Variants in FGFR2 observed in about 807,000 individuals in gnomAD.
FGFR2 encodes BEK fibroblast growth factor receptor.
Under a neutral mutation model 95.9 loss-of-function variants are expected in FGFR2, and 19 were observed. The observed-to-expected ratio is 0.20, with a 90% CI of 0.14 to 0.29. The LOEUF (loss-of-function observed/expected upper bound fraction) is 0.29, where lower values mean the gene tolerates loss of function less well. Among genes scored for constraint, FGFR2 ranks in the 10% least tolerant of loss-of-function variants. The pLI is 1.00. For missense variants in FGFR2, 707 were observed against 1,056.9 expected (o/e 0.67, Z 4.59); for synonymous variants, 392 against 393.3 (o/e 1.00, Z 0.04).
At chr10:121,582,981 C>A (rs1861176589) in intron 2 of FGFR2, among the ~76,000 whole-genome samples, 1 of 152,098 alleles carries the variant, frequency 6.6e-6, no homozygotes, top group Non-Finnish European at 1.5e-5. Flanking sequence ...TTTTAAATAC[C>A]AAACTGATCT....
At chr10:121,535,881 G>A (rs1852756971) in intron 6 of FGFR2, among the ~76,000 whole-genome samples, 2 of 152,324 alleles carry the variant, frequency 1.3e-5, no homozygotes, top group African/African-American at 4.8e-5. Flanking sequence ...TTATGGGAAT[G>A]CCTTTCCAAG....
chr10:121,487,495 C>A (rs567550407), intron 14 of FGFR2, 71 bp from the exon 15 acceptor site: 2 of 1,266,410 alleles, frequency 1.6e-6, no homozygotes, highest in South Asian at 1.3e-5. Flanking sequence ...CTCAATAGGG[C>A]TATGCCCTGT....
rs1844337475 is a variant in FGFR2, at chr10:121,478,947, T to C, written c.*910A>G. On this transcript the variant is annotated 3_prime_UTR_variant, in exon 18 of 18. Coordinates refer to ENST00000358487, the MANE Select transcript of FGFR2 (RefSeq NM_000141.5). ...CCAGTTAGACGTTGCGTTGACGTAA[T>C]GACAGGGTTGCACACCAAAATGAAA... is the stretch of plus-strand genomic sequence containing the variant. 1 of 233,460 alleles carries C rather than the reference T, an allele frequency of 4.3e-6. No individual in the cohort carries two copies. 14.5% of individuals were successfully genotyped at this position (233,460 alleles called of 1,614,324 possible). A position where few individuals can be genotyped will look rare whatever the true frequency, so the allele number is the denominator to read the frequency against.
At chr10:121,573,234 C>A (rs1417866819) in intron 2 of FGFR2, among the ~76,000 whole-genome samples, 1 of 152,250 alleles carries the variant, frequency 6.6e-6, no homozygotes, top group Non-Finnish European at 1.5e-5. Flanking sequence ...CGTCCAATCA[C>A]TTCACGGAGA....
At chr10:121,559,190 C>T (rs775946973) in intron 4 of FGFR2, among the ~76,000 whole-genome samples, 1 of 150,592 alleles carries the variant, frequency 6.6e-6, no homozygotes, top group Non-Finnish European at 1.5e-5. Flanking sequence ...CATCATTTGT[C>T]AAAGTTCCTA....
chr10:121,515,461 A>C, intron 8 of FGFR2, 142 bp from the exon 9 acceptor site: 1 of 789,740 alleles, frequency 1.3e-6, no homozygotes, highest in Non-Finnish European at 2.2e-6. Flanking sequence ...AAACTCCCAA[A>C]TGAAAATGAA....
rs185436036 is a variant in FGFR2 at position 121,572,134 on chromosome 10, T to C, written c.110-6430A>G. On this transcript the variant is annotated intron_variant, in intron 2 of 17. Coordinates refer to ENST00000358487, the MANE Select transcript of FGFR2 (RefSeq NM_000141.5). ...TTCAAGACCAGCCTAGGGAACATAG[T>C]AAGATCCTCTCTCCACAAAAAATGA... Among the ~76,000 whole-genome samples the C allele has an allele frequency of 5.2e-3, 616 of 118,808 alleles. 1 individual carries two copies. Among genetic ancestry groups the C allele is most frequent in the Middle Eastern group, 5.6e-3 (1 of 178 alleles). The allele number at this position is 118,808 out of a possible 152,430, so 77.9% of individuals were successfully genotyped here. A position where few individuals can be genotyped will look rare whatever the true frequency, so the allele number is the denominator to read the frequency against.
intron 4 of FGFR2, among the ~76,000 whole-genome samples, chr10:121,552,179 C>T (rs187039431): frequency 1.3e-5 from 2 of 152,154 alleles, no homozygotes; most frequent in East Asian, 1.9e-4. Flanking sequence ...AAGTTATGCC[C>T]TCCAGATGTC....
Position 121,548,245 on chromosome 10 carries a change from C to CTTTTTTTTTTTTTTTTTTTTTTT in FGFR2, c.624+3022_624+3044dup, listed in dbSNP as rs57061338. On this transcript the variant is annotated intron_variant, in intron 5 of 17. Coordinates refer to ENST00000358487, the MANE Select transcript of FGFR2 (RefSeq NM_000141.5). The stretch of plus-strand genomic sequence containing the variant: ...TGTGTGGCCCTCTGCCGCTTTTGGC[C>CTTTTTTTTTTTTTTTTTTTTTTT]TTTTTTTTTTTTTTTTTTTTTTTTT... 2.8e-4 allele frequency among the ~76,000 whole-genome samples: 13 copies of CTTTTTTTTTTTTTTTTTTTTTTT among 46,698 alleles called. 1 individual carries two copies. Among genetic ancestry groups the CTTTTTTTTTTTTTTTTTTTTTTT allele is most frequent in the South Asian group, 1.6e-3 (1 of 612 alleles). 30.6% of individuals were successfully genotyped at this position (46,698 alleles called of 152,430 possible). A position where few individuals can be genotyped will look rare whatever the true frequency, so the allele number is the denominator to read the frequency against.
At chr10:121,519,531 CTAATGTCCTAT>C (rs1850199477) in intron 7 of FGFR2, among the ~76,000 whole-genome samples, 1 of 152,044 alleles carries the variant, frequency 6.6e-6, no homozygotes. Context: ...AAATTGGATC[CTAATGTCCTAT>C]TAATAGAAAA....
At chr10:121,538,799 C>T (rs908136578) in intron 5 of FGFR2, 84 bp from the exon 6 acceptor site, 2 of 1,577,664 alleles carry the variant, frequency 1.3e-6, no homozygotes, top group Non-Finnish European at 1.7e-6. Context: ...TAAAAAGAAG[C>T]TGAAGGAGGC....
intron 6 of FGFR2, among the ~76,000 whole-genome samples, chr10:121,520,835 AT>A (rs1411800155): frequency 6.6e-6 from 1 of 152,076 alleles, no homozygotes; most frequent in Non-Finnish European, 1.5e-5. Flanking sequence ...TAGAAAGAGG[AT>A]TTCATCATGT....
chr10:121,515,720 C>A (rs1849630496), intron 8 of FGFR2, among the ~76,000 whole-genome samples: 2 of 151,718 alleles, frequency 1.3e-5, no homozygotes, highest in South Asian at 4.2e-4. Flanking sequence ...ACTTTTGTTT[C>A]TAAGGAGACA....
intron 17 of FGFR2, among the ~76,000 whole-genome samples, chr10:121,482,424 G>C (rs756973917): frequency 1.3e-5 from 2 of 152,086 alleles, no homozygotes; most frequent in Non-Finnish European, 2.9e-5. Context: ...CACTACATTT[G>C]ATTATTACTT....
intron 6 of FGFR2, among the ~76,000 whole-genome samples, chr10:121,526,557 G>T (rs1270189735): frequency 6.6e-6 from 1 of 152,196 alleles, no homozygotes; most frequent in African/African-American, 2.4e-5. Flanking sequence ...TCCAGCTTCT[G>T]AAGATCAGCA....
chr10:121,513,044 A>T (rs1849261032), intron 9 of FGFR2, among the ~76,000 whole-genome samples: 1 of 151,860 alleles, frequency 6.6e-6, no homozygotes, highest in Non-Finnish European at 1.5e-5. Flanking sequence ...TAATTTTTGT[A>T]CTTTTAGTAG....
chr10:121,559,671 C>T (rs1856674769), intron 4 of FGFR2, among the ~76,000 whole-genome samples: 1 of 152,214 alleles, frequency 6.6e-6, no homozygotes, highest in Non-Finnish European at 1.5e-5. Flanking sequence ...ATTTCAGGGG[C>T]AGAGTTGCTG....
Position 121,479,587 on chromosome 10 carries a change from G to A in FGFR2, c.*270C>T. The A allele has an allele frequency of 6.4e-7, 1 of 1,550,686 alleles. No individual in the cohort carries two copies. The highest frequency in any genetic ancestry group is 8.7e-7 in the Non-Finnish European group (1 of 1,146,452). On this transcript the variant is annotated 3_prime_UTR_variant, in exon 18 of 18. Coordinates refer to ENST00000358487, the MANE Select transcript of FGFR2 (RefSeq NM_000141.5). Reference sequence around the variant, plus strand: ...CGCACGTCCACCTTGAGTCCTACTGGTCCACAGCCAGTACGCACGGCAGGT... The same window carrying A: ...CGCACGTCCACCTTGAGTCCTACTGATCCACAGCCAGTACGCACGGCAGGT...
chr10:121,493,542 T>C (rs1037821457), intron 13 of FGFR2, among the ~76,000 whole-genome samples: 2 of 152,198 alleles, frequency 1.3e-5, no homozygotes, highest in African/African-American at 4.8e-5. Flanking sequence ...GTCCTGATTT[T>C]CCTACTGCTC....
Sources: allele counts gnomAD v4.1 joint callset (sites outside exome capture counted in the v4.1 genomes callset), GRCh38; gene constraint gnomAD v4.1.1; transcripts MANE v1.5; gene names NCBI Gene and HGNC (gene_info 2026-07-23, HGNC 2026-07-21).